PLEKHG1: variants seen among roughly 807,000 people sequenced by gnomAD.
PLEKHG1 encodes pleckstrin homology and RhoGEF domain containing G1, also known as pleckstrin homology domain-containing family G member 1.
PLEKHG1 carries 44 observed loss-of-function variants against 100.8 expected under a neutral mutation model. The observed-to-expected ratio is 0.44, with a 90% confidence interval of 0.34 to 0.56. The LOEUF is 0.56. PLEKHG1 is among the 20% of genes least tolerant of loss of function. The pLI is 0.01. For missense variants in PLEKHG1, 1,545 were observed against 1,720.9 expected (o/e 0.90, Z 1.81); for synonymous variants, 640 against 662.5 (o/e 0.97, Z 0.52).
At chr6:150,787,050 AAG>A (rs1434216341) in intron 4 of PLEKHG1, among the ~76,000 whole-genome samples, 1 of 151,292 alleles carries the variant, frequency 6.6e-6, no homozygotes, top group African/African-American at 2.4e-5. Context: ...AAAAAAAAAA[AAG>A]AAGATGAATG....
intron 2 of PLEKHG1, among the ~76,000 whole-genome samples, chr6:150,650,090 C>T (rs1353788172): frequency 1.3e-5 from 2 of 150,068 alleles, no homozygotes; most frequent in East Asian, 2.0e-4. Flanking sequence ...AAAAAAAAAC[C>T]AAAACAGTGA....
At chr6:150,761,495 C>T (rs747765728) in intron 2 of PLEKHG1, among the ~76,000 whole-genome samples, 4 of 151,848 alleles carry the variant, frequency 2.6e-5, no homozygotes, top group East Asian at 1.9e-4. Flanking sequence ...TTTGTAGAGA[C>T]GGGGTTTCAG....
At chr6:150,633,214 G>T (rs1217165134) in intron 1 of PLEKHG1, 1 of 152,316 alleles carries the variant, frequency 6.6e-6, no homozygotes, top group African/African-American at 2.4e-5. Context: ...GAGGGCAACA[G>T]TGTCATCTGG....
chr6:150,715,905 G>A (rs1201078770), intron 3 of PLEKHG1, among the ~76,000 whole-genome samples: 1 of 147,514 alleles, frequency 6.8e-6, no homozygotes, highest in African/African-American at 2.4e-5. Flanking sequence ...TCAGGAGATC[G>A]AGACCATCCT....
At chr6:150,687,408 C>T (rs1780178251) in intron 3 of PLEKHG1, among the ~76,000 whole-genome samples, 1 of 152,116 alleles carries the variant, frequency 6.6e-6, no homozygotes. Context: ...TGGGTTTTCT[C>T]AGTAATTCTT....
Position 150,795,912 on chromosome 6 carries a change from G to A in PLEKHG1, c.629+10G>A, listed in dbSNP as rs368873861. On this transcript the variant is annotated intron_variant, in intron 5 of 15. Coordinates refer to ENST00000358517, the Ensembl canonical transcript of PLEKHG1. The stretch of plus-strand genomic sequence containing the variant: ...GCACTAACTATCCAAGGTATGGATC[G>A]AGAATGGGCCAAGAGTACTTTTGTT... 2.8e-5 allele frequency: 43 copies of A among 1,555,082 alleles called. No homozygotes were observed. In the East Asian group the frequency reaches 3.1e-4, roughly 11 times the overall value.
intron 3 of PLEKHG1, among the ~76,000 whole-genome samples, chr6:150,654,054 T>C (rs946649796): frequency 9.9e-5 from 15 of 152,242 alleles, no homozygotes; most frequent in African/African-American, 3.6e-4. Flanking sequence ...CTACATTTTG[T>C]TCTGTGTGCC....
intron 3 of PLEKHG1, among the ~76,000 whole-genome samples, chr6:150,785,046 A>AGAG (rs1554273273): frequency 4.6e-5 from 7 of 151,760 alleles, no homozygotes; most frequent in Non-Finnish European, 1.0e-4. Context: ...AAAAAAAAAA[A>AGAG]AGAGAGAGAG....
chr6:150,607,896 G>A (rs1776669248), intron 1 of PLEKHG1, among the ~76,000 whole-genome samples: 1 of 152,044 alleles, frequency 6.6e-6, no homozygotes, highest in South Asian at 2.1e-4. Context: ...GGAAGCTTTG[G>A]GAACATAGTT....
chr6:150,758,546 G>A (rs1166304295), intron 2 of PLEKHG1, among the ~76,000 whole-genome samples: 1 of 152,166 alleles, frequency 6.6e-6, no homozygotes, highest in Admixed American at 6.5e-5. Flanking sequence ...TGTTGGTCAG[G>A]CTGGTCTCAA....
intron 13 of PLEKHG1, among the ~76,000 whole-genome samples, chr6:150,821,450 G>A (rs1002106405): frequency 1.3e-5 from 2 of 152,282 alleles, no homozygotes; most frequent in Admixed American, 6.5e-5. Flanking sequence ...TTGGGAGGCC[G>A]AGGCGGGCGG....
At chr6:150,636,801 G>C (rs1778023822) in intron 1 of PLEKHG1, among the ~76,000 whole-genome samples, 1 of 152,266 alleles carries the variant, frequency 6.6e-6, no homozygotes, top group East Asian at 1.9e-4. Context: ...GTTTGGAAAG[G>C]GTGAAATCAA....
At chr6:150,629,774 T>TA (rs1197721986) in intron 1 of PLEKHG1, among the ~76,000 whole-genome samples, 1 of 152,206 alleles carries the variant, frequency 6.6e-6, no homozygotes, top group Non-Finnish European at 1.5e-5. Context: ...ATCCATTTTT[T>TA]AAAAATCTAT....
chr6:150,784,236 A>G (rs1223296211), intron 3 of PLEKHG1, among the ~76,000 whole-genome samples: 2 of 152,216 alleles, frequency 1.3e-5, no homozygotes, highest in East Asian at 3.8e-4. Context: ...AAAGCCTACT[A>G]TCACAAAATT....
chr6:150,731,223 T>C (rs569047016), intron 1 of PLEKHG1, among the ~76,000 whole-genome samples: 1 of 152,182 alleles, frequency 6.6e-6, no homozygotes, highest in African/African-American at 2.4e-5. Flanking sequence ...CTAGGTCAAG[T>C]GCATCTTAAC....
At chr6:150,690,327 C>T (rs1043581027) in intron 3 of PLEKHG1, among the ~76,000 whole-genome samples, 2 of 151,908 alleles carry the variant, frequency 1.3e-5, no homozygotes, top group Non-Finnish European at 2.9e-5. Flanking sequence ...GCAGCATACA[C>T]TGCACCACAT....
intron 2 of PLEKHG1, among the ~76,000 whole-genome samples, chr6:150,756,303 G>C (rs1783837828): frequency 6.6e-6 from 1 of 152,164 alleles, no homozygotes; most frequent in South Asian, 2.1e-4. Flanking sequence ...AGATCCTCAA[G>C]CCTGTGACTG....
chr6:150,645,448 A>C (rs1274287686), intron 2 of PLEKHG1, among the ~76,000 whole-genome samples: 1 of 152,252 alleles, frequency 6.6e-6, no homozygotes, highest in Non-Finnish European at 1.5e-5. Context: ...AGACATATGT[A>C]ACTGCATTAT....
At chr6:150,751,062 A>G (rs558281693) in intron 2 of PLEKHG1, among the ~76,000 whole-genome samples, 1 of 152,228 alleles carries the variant, frequency 6.6e-6, no homozygotes, top group Non-Finnish European at 1.5e-5. Flanking sequence ...AGATATTCAT[A>G]TAATAGTTGG....
Sources: allele counts gnomAD v4.1 joint callset (sites outside exome capture counted in the v4.1 genomes callset), GRCh38; gene constraint gnomAD v4.1.1; transcripts MANE v1.5; gene names NCBI Gene and HGNC (gene_info 2026-07-23, HGNC 2026-07-21).